MBTD1: variants seen among roughly 807,000 people sequenced by gnomAD.
MBTD1 encodes the protein MBT domain-containing protein 1.
Under a neutral mutation model 87.8 loss-of-function variants are expected in MBTD1, and 24 were observed. The ratio of observed to expected loss-of-function variants is 0.27; its 90% confidence interval spans 0.20 to 0.38. The LOEUF (loss-of-function observed/expected upper bound fraction) is 0.38, where lower values mean the gene tolerates loss of function less well. Ranked by LOEUF, MBTD1 falls within the 10% of genes least tolerant of loss-of-function variation. The pLI is 1.00. For synonymous variants in MBTD1, 237 were observed against 248.6 expected (o/e 0.95, Z 0.44); for missense variants, 436 against 760.2 (o/e 0.57, Z 5.02).
intron 2 of MBTD1, among the ~76,000 whole-genome samples, chr17:51,234,028 G>A (rs1323391762): frequency 6.6e-6 from 1 of 151,938 alleles, no homozygotes; most frequent in Non-Finnish European, 1.5e-5. Context: ...CAATAAAACT[G>A]ATAAACCTCA....
At chr17:51,206,209 A>T (rs1243574211) in intron 7 of MBTD1, among the ~76,000 whole-genome samples, 1 of 152,206 alleles carries the variant, frequency 6.6e-6, no homozygotes, top group Non-Finnish European at 1.5e-5. Flanking sequence ...AGAACGGAAG[A>T]ACCCAAGATA....
chr17:51,222,666 AG>A (rs1467836574), intron 3 of MBTD1, among the ~76,000 whole-genome samples: 2 of 151,904 alleles, frequency 1.3e-5, no homozygotes, highest in East Asian at 3.9e-4. Flanking sequence ...CCAAAGTACT[AG>A]GATTACAGGT....
chr17:51,192,246 CT>C lies in MBTD1; in HGVS notation c.1724del (p.Gln575ArgfsTer16). ...ATTGCTGGGACTTAGCCTTTTTCTT[CT>C]GTTTTGATGAAGCTGATTGGTTTTC... is the stretch of plus-strand genomic sequence containing the variant. ...SRENQSASSK[Q>X]KKKAKSQQYK... On this transcript the variant is annotated frameshift_variant, in exon 16 of 17. Coordinates refer to ENST00000586178, the MANE Select transcript of MBTD1 (RefSeq NM_017643.3). LOFTEE classifies it high-confidence loss of function. 6.4e-7 allele frequency: 1 copy of C among 1,551,276 alleles called. No homozygotes were observed. The highest frequency in any genetic ancestry group is 8.7e-7 in the Non-Finnish European group (1 of 1,146,818).
At chr17:51,247,636 A>G (rs997405170) in intron 2 of MBTD1, among the ~76,000 whole-genome samples, 13 of 152,036 alleles carry the variant, frequency 8.6e-5, no homozygotes, top group Non-Finnish European at 1.5e-5. Flanking sequence ...GTTTGTAGAG[A>G]TCAAGTCTCA....
intron 2 of MBTD1, among the ~76,000 whole-genome samples, chr17:51,252,315 C>T (rs2054833649): frequency 6.6e-6 from 1 of 152,118 alleles, no homozygotes; most frequent in East Asian, 1.9e-4. Flanking sequence ...AAATTTTAAC[C>T]TTCTTTCTCC....
intron 6 of MBTD1, among the ~76,000 whole-genome samples, chr17:51,216,598 A>C (rs1185910068): frequency 6.6e-6 from 1 of 152,196 alleles, no homozygotes; most frequent in Non-Finnish European, 1.5e-5. Flanking sequence ...TAACATTTGG[A>C]GACAAAAAAA....
intron 6 of MBTD1, chr17:51,209,205 C>G: frequency 2.8e-6 from 1 of 353,568 alleles, no homozygotes; most frequent in Non-Finnish European, 5.7e-6. Flanking sequence ...CAGCCATCTT[C>G]ATCCAAGTCA....
At chr17:51,188,753 GTTTTTTTTTTTTTT>G (rs767959315) in intron 16 of MBTD1, among the ~76,000 whole-genome samples, 2 of 108,886 alleles carry the variant, frequency 1.8e-5, no homozygotes, top group South Asian at 5.8e-4. Flanking sequence ...ATTCAAATAG[GTTTTTTTTTTTTTT>G]TTTTTTTTTG....
At chr17:51,235,449 T>C (rs1295947215) in intron 2 of MBTD1, among the ~76,000 whole-genome samples, 1 of 152,192 alleles carries the variant, frequency 6.6e-6, no homozygotes, top group Non-Finnish European at 1.5e-5. Flanking sequence ...GATGAAAATA[T>C]TGTTAACAAA....
chr17:51,231,369 G>A (rs994038525), intron 2 of MBTD1, among the ~76,000 whole-genome samples: 2 of 152,050 alleles, frequency 1.3e-5, no homozygotes, highest in African/African-American at 4.8e-5. Flanking sequence ...TATTTTCAGG[G>A]AATATAGCCT....
rs1384289461 is a variant in MBTD1 at position 51,200,263 on chromosome 17, T to TA, written c.1224+1328dup. Among the ~76,000 whole-genome samples the TA allele has an allele frequency of 4.6e-5, 7 of 152,048 alleles. No individual in the cohort carries two copies. The South Asian group carries it at 1.0e-3, about 23-fold the overall frequency. ...TGTACATGATATTCACCTGAGACCT[T>TA]AAAAAAATGCCAATGTTAGCCAGGC... On this transcript the variant is annotated intron_variant, in intron 12 of 16. Coordinates refer to ENST00000586178, the MANE Select transcript of MBTD1 (RefSeq NM_017643.3).
At chr17:51,246,691 T>A (rs8076387) in intron 2 of MBTD1, among the ~76,000 whole-genome samples, 93,817 of 151,962 alleles carry the variant, frequency 0.62, 29,450 homozygotes, top group African/African-American at 0.73. Flanking sequence ...GCTGGAGTGC[T>A]GTGGTGCAAT....
chr17:51,258,967 T>C (rs1410127140), intron 2 of MBTD1, among the ~76,000 whole-genome samples, 176 bp downstream of exon 2: 2 of 151,934 alleles, frequency 1.3e-5, no homozygotes, highest in African/African-American at 2.4e-5. Context: ...GTGAGGAGGA[T>C]GTGAGAGAAA....
intron 13 of MBTD1, among the ~76,000 whole-genome samples, chr17:51,194,896 G>A (rs11650030): frequency 6.6e-6 from 1 of 151,500 alleles, no homozygotes; most frequent in Admixed American, 6.6e-5. Context: ...TCTTTATTGG[G>A]AAAAAAAGAA....
intron 16 of MBTD1, among the ~76,000 whole-genome samples, chr17:51,187,725 C>T (rs2050604817): frequency 6.6e-6 from 1 of 151,874 alleles, no homozygotes; most frequent in South Asian, 2.1e-4. Context: ...TGGTGCACAC[C>T]TGTAATCCCA....
chr17:51,249,836 G>C (rs2054672806), intron 2 of MBTD1: 1 of 151,894 alleles, frequency 6.6e-6, no homozygotes, highest in Non-Finnish European at 1.5e-5. Context: ...TTCAGTTTTA[G>C]ATGGTAGCCT....
At chr17:51,238,046 T>C (rs9904536) in intron 2 of MBTD1, among the ~76,000 whole-genome samples, 93,757 of 151,910 alleles carry the variant, frequency 0.62, 29,423 homozygotes, top group African/African-American at 0.73. Flanking sequence ...GCAAACTAGC[T>C]GTATAGTGAC....
At chr17:51,187,042 T>C (rs1382309507) in intron 16 of MBTD1, among the ~76,000 whole-genome samples, 1 of 152,190 alleles carries the variant, frequency 6.6e-6, no homozygotes, top group Admixed American at 6.5e-5. Context: ...TTCACTCTTT[T>C]AGAAAACACA....
At chr17:51,182,912 A>T (rs2050379704) in intron 16 of MBTD1, among the ~76,000 whole-genome samples, 1 of 152,200 alleles carries the variant, frequency 6.6e-6, no homozygotes, top group African/African-American at 2.4e-5. Context: ...TAAAATTGCT[A>T]CAACTTTTAA....
Sources: allele counts gnomAD v4.1 joint callset (sites outside exome capture counted in the v4.1 genomes callset), GRCh38; gene constraint gnomAD v4.1.1; transcripts MANE v1.5; gene names NCBI Gene and HGNC (gene_info 2026-07-23, HGNC 2026-07-21).